Variants in LY86 observed in about 807,000 individuals in gnomAD.
LY86 encodes lymphocyte antigen 86.
LY86 carries 20 observed loss-of-function variants against 17.3 expected under a neutral mutation model. The ratio of observed to expected loss-of-function variants is 1.15; its 90% CI spans 0.81 to 1.68. The LOEUF (loss-of-function observed/expected upper bound fraction) is 1.68. Ranked by LOEUF, LY86 falls within the 40% of genes most tolerant of loss-of-function variation. LY86 has a pLI of 0.00. For synonymous variants in LY86, 74 were observed against 70.6 expected (o/e 1.05, Z -0.24); for missense variants, 200 against 191.9 (o/e 1.04, Z -0.25).
intron 1 of LY86, among the ~76,000 whole-genome samples, chr6:6,606,549 C>T (rs866069955): frequency 5.3e-5 from 8 of 152,132 alleles, no homozygotes; most frequent in Non-Finnish European, 1.2e-4. Context: ...GAGGCTTGGG[C>T]GGCACAGGAG....
At chr6:6,593,094 C>T (rs767129389) in intron 1 of LY86, among the ~76,000 whole-genome samples, 2 of 152,270 alleles carry the variant, frequency 1.3e-5, no homozygotes, top group Admixed American at 1.3e-4. Flanking sequence ...GAAAACAACA[C>T]ATGTATTTGC....
At chr6:6,621,342 G>A (rs936316944) in intron 1 of LY86, 3 of 152,220 alleles carry the variant, frequency 2.0e-5, no homozygotes, top group Non-Finnish European at 4.4e-5. Flanking sequence ...AAGGGTCCAA[G>A]GGAAAGTCTC....
intron 1 of LY86, among the ~76,000 whole-genome samples, chr6:6,602,045 C>A (rs1236687584): frequency 6.6e-6 from 1 of 152,226 alleles, no homozygotes; most frequent in Non-Finnish European, 1.5e-5. Context: ...CCAGGTCATG[C>A]CTTTTATGCC....
chr6:6,605,829 T>C (rs921846307), intron 1 of LY86, among the ~76,000 whole-genome samples: 1 of 150,898 alleles, frequency 6.6e-6, no homozygotes, highest in African/African-American at 2.4e-5. Flanking sequence ...TGGCTGACTT[T>C]CCCGGTGAAT....
intron 2 of LY86, 94 bp from the exon 3 acceptor site, chr6:6,626,199 A>C (rs1033623435): frequency 7.9e-6 from 10 of 1,262,576 alleles, no homozygotes; most frequent in African/African-American, 3.0e-5. Context: ...TGGAAACAAA[A>C]GGTTCTTTAG....
At chr6:6,648,856 T>C (rs930270415) in intron 3 of LY86, among the ~76,000 whole-genome samples, 1 of 151,930 alleles carries the variant, frequency 6.6e-6, no homozygotes, top group Non-Finnish European at 1.5e-5. Context: ...GTAACCTGGA[T>C]CCAGCCTGGC....
chr6:6,654,139 G>T (rs1762226740), intron 4 of LY86, among the ~76,000 whole-genome samples: 1 of 151,806 alleles, frequency 6.6e-6, no homozygotes, highest in South Asian at 2.1e-4. Context: ...GCCCCTCTAA[G>T]GTGGGGGCCC....
chr6:6,600,625 AAAAG>A (rs1760876340), intron 1 of LY86, among the ~76,000 whole-genome samples: 1 of 125,012 alleles, frequency 8.0e-6, no homozygotes, highest in African/African-American at 3.1e-5. Context: ...AAAAAAAAAA[AAAAG>A]AAAATATAGC....
At chr6:6,592,589 A>G (rs1446278884) in intron 1 of LY86, among the ~76,000 whole-genome samples, 1 of 152,194 alleles carries the variant, frequency 6.6e-6, no homozygotes, top group Non-Finnish European at 1.5e-5. Context: ...TTCATGTTAA[A>G]CCCTAATCCC....
rs149213972 is a variant in LY86 at position 6,598,285 on chromosome 6, T to C, written c.136+9415T>C. Reference sequence around the variant, plus strand: ...CAAAGCACAAATTATCACAAAATTATTCAACTCATTTTTTTTCTTAACCTC... The same window carrying C: ...CAAAGCACAAATTATCACAAAATTACTCAACTCATTTTTTTTCTTAACCTC... On this transcript the variant is annotated intron_variant, in intron 1 of 4. Coordinates refer to ENST00000230568, the MANE Select transcript of LY86 (RefSeq NM_004271.4). Among the ~76,000 whole-genome samples the C allele has an allele frequency of 9.2e-5, 14 of 152,326 alleles. No homozygotes were observed. In the East Asian group the frequency reaches 2.5e-3, roughly 27 times the overall value.
At chr6:6,652,300 G>A (rs1762199989) in intron 4 of LY86, among the ~76,000 whole-genome samples, 1 of 152,030 alleles carries the variant, frequency 6.6e-6, no homozygotes, top group African/African-American at 2.4e-5. Context: ...CGCAATGCAC[G>A]GAGGCTTTGC....
chr6:6,590,184 T>TCC (rs556441651), intron 1 of LY86, among the ~76,000 whole-genome samples: 7 of 146,018 alleles, frequency 4.8e-5, no homozygotes, highest in Admixed American at 1.4e-4. Flanking sequence ...GATACCGTAG[T>TCC]CCCCCCCCAG....
chr6:6,612,024 T>G (rs2326809), intron 1 of LY86, among the ~76,000 whole-genome samples: 1 of 144,540 alleles, frequency 6.9e-6, no homozygotes, highest in African/African-American at 2.8e-5. Flanking sequence ...ATCTTTGTGG[T>G]CTCTTGTATT....
At chr6:6,605,964 G>A (rs1051117752) in intron 1 of LY86, among the ~76,000 whole-genome samples, 1 of 151,832 alleles carries the variant, frequency 6.6e-6, no homozygotes, top group African/African-American at 2.4e-5. Flanking sequence ...AAGAAGCGTG[G>A]ACCCAAAGAG....
intron 1 of LY86, among the ~76,000 whole-genome samples, chr6:6,612,132 A>C (rs1182997475): frequency 6.6e-6 from 1 of 151,962 alleles, no homozygotes; most frequent in Admixed American, 6.5e-5. Context: ...CAGCTCAACA[A>C]CTCCTAAGAT....
chr6:6,590,116 CTT>C (rs1760478836), intron 1 of LY86, among the ~76,000 whole-genome samples: 1 of 53,800 alleles, frequency 1.9e-5, no homozygotes, highest in African/African-American at 9.9e-5. Flanking sequence ...GAAACTCTGT[CTT>C]AAAAAAAAAA....
intron 1 of LY86, chr6:6,621,406 A>C (rs1325006669): frequency 1.3e-5 from 2 of 152,232 alleles, no homozygotes; most frequent in Admixed American, 6.5e-5. Flanking sequence ...AACTACTTTA[A>C]AATGCAACCT....
chr6:6,613,426 G>C, intron 1 of LY86, among the ~76,000 whole-genome samples: 1 of 152,330 alleles, frequency 6.6e-6, no homozygotes, highest in South Asian at 2.1e-4. Flanking sequence ...CAGGTCCTGA[G>C]CCCTGCCGCG....
chr6:6,606,937 G>A (rs976369821), intron 1 of LY86, among the ~76,000 whole-genome samples: 1 of 152,272 alleles, frequency 6.6e-6, no homozygotes, highest in Non-Finnish European at 1.5e-5. Flanking sequence ...GGCCGAGGAG[G>A]CGCTGAGAGC....
Sources: allele counts gnomAD v4.1 joint callset (sites outside exome capture counted in the v4.1 genomes callset), GRCh38; gene constraint gnomAD v4.1.1; transcripts MANE v1.5; gene names NCBI Gene and HGNC (gene_info 2026-07-23, HGNC 2026-07-21).